ZNF385D: variants seen among roughly 807,000 people sequenced by gnomAD.
The protein encoded by ZNF385D is zinc finger protein 385D.
A neutral mutation model predicts 35.8 loss-of-function variants in ZNF385D; 15 were observed. The ratio of observed to expected loss-of-function variants is 0.42; its 90% CI spans 0.28 to 0.64. The LOEUF (loss-of-function observed/expected upper bound fraction) is 0.64, where lower values mean the gene tolerates loss of function less well. Ranked by LOEUF, ZNF385D falls within the 30% of genes least tolerant of loss-of-function variation. The pLI, the probability that ZNF385D is intolerant of heterozygous loss-of-function variation, is 0.23. For synonymous variants in ZNF385D, 212 were observed against 186.8 expected (o/e 1.13, Z -1.10); for missense variants, 474 against 494.6 (o/e 0.96, Z 0.39).
intron 2 of ZNF385D, among the ~76,000 whole-genome samples, chr3:22,243,699 T>C (rs754795722): frequency 4.6e-5 from 7 of 150,896 alleles, no homozygotes; most frequent in Admixed American, 2.0e-4. Context: ...GCTACCTGTA[T>C]TGTTTGAAAG....
chr3:22,233,041 T>C (rs1266557655), intron 2 of ZNF385D, among the ~76,000 whole-genome samples: 6 of 152,174 alleles, frequency 3.9e-5, no homozygotes, highest in Non-Finnish European at 8.8e-5. Flanking sequence ...TGGTTTTCTC[T>C]TACAAACCAT....
intron 2 of ZNF385D, among the ~76,000 whole-genome samples, chr3:22,198,407 T>TA (rs948454376): frequency 9.9e-5 from 15 of 152,112 alleles, no homozygotes; most frequent in Admixed American, 3.9e-4. Flanking sequence ...GATCTGGTAC[T>TA]AAGCATTGTG....
intron 3 of ZNF385D, among the ~76,000 whole-genome samples, chr3:21,838,979 C>T (rs1445928757): frequency 1.3e-5 from 2 of 151,940 alleles, no homozygotes; most frequent in African/African-American, 4.8e-5. Flanking sequence ...CTATGAAGTA[C>T]TTTCTATTAT....
At chr3:21,785,536 C>A (rs2071655531) in intron 3 of ZNF385D, among the ~76,000 whole-genome samples, 1 of 152,128 alleles carries the variant, frequency 6.6e-6, no homozygotes, top group Non-Finnish European at 1.5e-5. Context: ...AGCTTTGTAC[C>A]CTTTAACCAT....
At chr3:22,031,525 C>A (rs918176403) in intron 3 of ZNF385D, among the ~76,000 whole-genome samples, 9 of 152,184 alleles carry the variant, frequency 5.9e-5, no homozygotes. Context: ...TTAGCCACGG[C>A]TGGAGTTGGA....
intron 2 of ZNF385D, among the ~76,000 whole-genome samples, chr3:22,232,621 G>T (rs1488412742): frequency 6.6e-6 from 1 of 152,064 alleles, no homozygotes; most frequent in African/African-American, 2.4e-5. Context: ...TCCCACTTAC[G>T]AGTGAGAACA....
chr3:21,556,776 A>T (rs542143213), intron 3 of ZNF385D, among the ~76,000 whole-genome samples: 75 of 152,214 alleles, frequency 4.9e-4, no homozygotes, highest in Non-Finnish European at 9.6e-4. Context: ...CAGTATGGCC[A>T]TTTTCACGAT....
chr3:21,683,400 C>T (rs1226911194), intron 1 of ZNF385D, among the ~76,000 whole-genome samples: 1 of 149,574 alleles, frequency 6.7e-6, no homozygotes, highest in Non-Finnish European at 1.5e-5. Context: ...GGGTGGATCA[C>T]GAGGTCAGGA....
chr3:22,180,429 A>T (rs542648716), intron 2 of ZNF385D, among the ~76,000 whole-genome samples: 149 of 152,350 alleles, frequency 9.8e-4, no homozygotes, highest in Non-Finnish European at 1.8e-3. Flanking sequence ...TCCCTAACTC[A>T]TTTTATGAGG....
intron 3 of ZNF385D, among the ~76,000 whole-genome samples, chr3:21,901,846 T>C (rs73820183): frequency 0.016 from 2,436 of 152,262 alleles, 67 homozygotes; most frequent in African/African-American, 0.056. Flanking sequence ...GTAGAAATAC[T>C]TGGATAACGA....
At chr3:22,266,901 G>A (rs749536622) in intron 2 of ZNF385D, among the ~76,000 whole-genome samples, 2 of 151,830 alleles carry the variant, frequency 1.3e-5, no homozygotes, top group African/African-American at 4.8e-5. Context: ...CATTCATAAA[G>A]CCAAGGAAAA....
chr3:22,120,597 C>G (rs908503313), intron 3 of ZNF385D, among the ~76,000 whole-genome samples: 1 of 152,070 alleles, frequency 6.6e-6, no homozygotes, highest in Non-Finnish European at 1.5e-5. Context: ...AGTCTGAATT[C>G]CATCTCTACT....
At chr3:22,206,898 C>G (rs1389951181) in intron 2 of ZNF385D, among the ~76,000 whole-genome samples, 1 of 151,174 alleles carries the variant, frequency 6.6e-6, no homozygotes, top group Admixed American at 6.6e-5. Flanking sequence ...GTTAGTAGAA[C>G]AAAGAAATAA....
chr3:21,483,918 C>CT (rs903687671), intron 4 of ZNF385D, among the ~76,000 whole-genome samples: 52 of 151,370 alleles, frequency 3.4e-4, no homozygotes, highest in Non-Finnish European at 5.3e-4. Flanking sequence ...TCCAATTTAT[C>CT]TTTTTTTTTC....
intron 1 of ZNF385D, among the ~76,000 whole-genome samples, chr3:21,717,799 G>C (rs559732370): frequency 6.6e-6 from 1 of 152,268 alleles, no homozygotes; most frequent in South Asian, 2.1e-4. Context: ...CCATGATTGT[G>C]AGGCCTTTCT....
At chr3:21,481,911 T>C (rs1164077240) in intron 4 of ZNF385D, among the ~76,000 whole-genome samples, 1 of 152,138 alleles carries the variant, frequency 6.6e-6, no homozygotes, top group Non-Finnish European at 1.5e-5. Flanking sequence ...AAATAGCAAA[T>C]TGAATATTTG....
At chr3:21,737,806 T>A (rs2069318168) in intron 1 of ZNF385D, among the ~76,000 whole-genome samples, 1 of 152,232 alleles carries the variant, frequency 6.6e-6, no homozygotes, top group Admixed American at 6.5e-5. Context: ...CATTGCCTGA[T>A]GTGCCCAGGA....
rs1380925326 is a variant in ZNF385D, at chr3:22,131,100, G to A, written c.325+37717C>T. ...ACAAAATAACAGTTAAATTCATGATGTTTGGATAAAATGTATAAGATAATG... is the reference window on the plus strand; with the variant it reads ...ACAAAATAACAGTTAAATTCATGATATTTGGATAAAATGTATAAGATAATG... On this transcript the variant is annotated intron_variant, in intron 3 of 5. Coordinates refer to the ZNF385D transcript ENST00000494108. Among the ~76,000 whole-genome samples the A allele has an allele frequency of 2.6e-5, 4 of 152,242 alleles. No individual in the cohort carries two copies. The East Asian group carries it at 5.8e-4, about 22-fold the overall frequency.
chr3:21,527,220 CA>C (rs950038930), intron 3 of ZNF385D, among the ~76,000 whole-genome samples: 33 of 151,828 alleles, frequency 2.2e-4, no homozygotes, highest in South Asian at 6.2e-4. Flanking sequence ...TATTATTATA[CA>C]AAAAAAATGA....
Sources: allele counts gnomAD v4.1 joint callset (sites outside exome capture counted in the v4.1 genomes callset), GRCh38; gene constraint gnomAD v4.1.1; transcripts MANE v1.5; gene names NCBI Gene and HGNC (gene_info 2026-07-23, HGNC 2026-07-21).